Variants in ARHGEF26 observed in about 807,000 individuals in gnomAD.
ARHGEF26 encodes Rho guanine nucleotide exchange factor 26.
ARHGEF26 carries 59 observed loss-of-function variants against 89.4 expected under a neutral mutation model. That is an observed-to-expected ratio of 0.66 (90% CI 0.54 to 0.82). ARHGEF26 has a LOEUF of 0.82. Among genes scored for constraint, ARHGEF26 ranks in the 40% least tolerant of loss-of-function variants. The pLI is 0.00. For missense variants in ARHGEF26, 1,234 were observed against 1,085.6 expected (o/e 1.14, Z -1.92); for synonymous variants, 500 against 428.4 (o/e 1.17, Z -2.06).
intron 11 of ARHGEF26, among the ~76,000 whole-genome samples, chr3:154,228,510 G>A (rs1716633587): frequency 6.6e-6 from 1 of 150,792 alleles, no homozygotes; most frequent in Admixed American, 6.6e-5. Flanking sequence ...CAATGGAGAG[G>A]ACAACCTGAG....
chr3:154,221,033 G>A (rs1025764804), intron 10 of ARHGEF26, among the ~76,000 whole-genome samples: 1 of 152,104 alleles, frequency 6.6e-6, no homozygotes, highest in Non-Finnish European at 1.5e-5. Flanking sequence ...GAAGCTGGGG[G>A]AGAGGCCTGG....
At chr3:154,247,242 C>A (rs1409505170) in intron 12 of ARHGEF26, among the ~76,000 whole-genome samples, 1 of 152,196 alleles carries the variant, frequency 6.6e-6, no homozygotes, top group African/African-American at 2.4e-5. Context: ...AACATCAACA[C>A]TGCCCGTGGC....
intron 12 of ARHGEF26, among the ~76,000 whole-genome samples, chr3:154,245,683 T>G (rs56134722): frequency 0.013 from 1,949 of 152,298 alleles, 39 homozygotes; most frequent in African/African-American, 0.045. Context: ...GTTTTCTGTC[T>G]CACCCACCCT....
In ARHGEF26 at chr3:154,185,988, C is replaced by T. The variant is rs1713502031; in HGVS notation, c.1488-1697C>T. 2.0e-5 allele frequency among the ~76,000 whole-genome samples: 3 copies of T among 152,176 alleles called. No homozygotes were observed. The South Asian group carries it at 6.2e-4, about 32-fold the overall frequency. On this transcript the variant is annotated intron_variant, in intron 6 of 14. Transcript: ENST00000465093. ...CTGTATTGTAATTGGCTGCATGCCT[C>T]CCATCAACCGCTCCACTGTGAGTGT...
In ARHGEF26 at chr3:154,147,894, C is replaced by T. The variant is rs560034708; in HGVS notation, c.1270-1495C>T. ...CTCCCCTGATTGTCTCTTCTTTGCTCTCTCTCAGTCTTCTTGGGGTCCCCT... is the reference window on the plus strand; with the variant it reads ...CTCCCCTGATTGTCTCTTCTTTGCTTTCTCTCAGTCTTCTTGGGGTCCCCT... On this transcript the variant is annotated intron_variant, in intron 4 of 14. Transcript: ENST00000465093. Among the ~76,000 whole-genome samples the T allele has an allele frequency of 2.4e-4, 37 of 152,056 alleles. No individual in the cohort carries two copies. In the South Asian group the frequency reaches 7.5e-3, roughly 31 times the overall value.
chr3:154,144,087 A>G (rs879912079), intron 4 of ARHGEF26, among the ~76,000 whole-genome samples: 4 of 152,210 alleles, frequency 2.6e-5, no homozygotes, highest in African/African-American at 9.6e-5. Flanking sequence ...CTTTCACTGC[A>G]GCAGAAGCCA....
At chr3:154,177,060 G>A (rs928482698) in intron 6 of ARHGEF26, among the ~76,000 whole-genome samples, 2 of 152,192 alleles carry the variant, frequency 1.3e-5, no homozygotes, top group African/African-American at 4.8e-5. Context: ...ATAAGTAAGG[G>A]ATGCATGTAT....
At chr3:154,202,047 T>G (rs948830748) in intron 9 of ARHGEF26, among the ~76,000 whole-genome samples, 22 of 152,298 alleles carry the variant, frequency 1.4e-4, no homozygotes, top group African/African-American at 3.1e-4. Context: ...TGTTGCCATT[T>G]GTTTTGGTGT....
chr3:154,236,604 C>G (rs1717141904), intron 11 of ARHGEF26, among the ~76,000 whole-genome samples: 1 of 152,196 alleles, frequency 6.6e-6, no homozygotes, highest in African/African-American at 2.4e-5. Context: ...TTAGCATCAG[C>G]TTCCCTCAGG....
chr3:154,162,670 G>GT (rs1559870842), intron 6 of ARHGEF26, among the ~76,000 whole-genome samples: 3 of 152,090 alleles, frequency 2.0e-5, no homozygotes, highest in African/African-American at 7.2e-5. Flanking sequence ...GTGAATTGGC[G>GT]TGTCTGTGGC....
At chr3:154,168,274 C>T (rs1328609613) in intron 6 of ARHGEF26, among the ~76,000 whole-genome samples, 4 of 151,938 alleles carry the variant, frequency 2.6e-5, no homozygotes, top group Non-Finnish European at 1.5e-5. Context: ...TATATATTTA[C>T]GTGGCTTAAA....
At chr3:154,157,582 G>A (rs573231244) in intron 6 of ARHGEF26, among the ~76,000 whole-genome samples, 16 of 152,166 alleles carry the variant, frequency 1.1e-4, no homozygotes, top group Non-Finnish European at 2.1e-4. Flanking sequence ...AAGATTTGAG[G>A]CAATTGAAGT....
intron 4 of ARHGEF26, among the ~76,000 whole-genome samples, chr3:154,139,653 C>A (rs1289183716): frequency 6.6e-6 from 1 of 152,122 alleles, no homozygotes; most frequent in Non-Finnish European, 1.5e-5. Flanking sequence ...AGGGCCACAT[C>A]CACACAGTGG....
At chr3:154,217,717 G>A (rs1412493845) in intron 9 of ARHGEF26, among the ~76,000 whole-genome samples, 152 bp from the exon 10 acceptor site, 16 of 152,072 alleles carry the variant, frequency 1.1e-4, no homozygotes, top group Non-Finnish European at 1.8e-4. Flanking sequence ...AACTGGATAC[G>A]AATGTCTTAA....
chr3:154,244,451 G>A (rs1418118584), intron 12 of ARHGEF26, among the ~76,000 whole-genome samples: 3 of 152,124 alleles, frequency 2.0e-5, no homozygotes, highest in Non-Finnish European at 4.4e-5. Context: ...CATGACGAAG[G>A]GACCCATGGG....
At chr3:154,228,767 GGCAACA>G (rs1489633821) in intron 11 of ARHGEF26, among the ~76,000 whole-genome samples, 5 of 152,298 alleles carry the variant, frequency 3.3e-5, no homozygotes, top group Admixed American at 6.5e-5. Context: ...GCATGCCAGA[GGCAACA>G]GTAAAGGAGA....
intron 14 of ARHGEF26, 55 bp downstream of exon 14, chr3:154,254,879 G>A: frequency 7.0e-7 from 1 of 1,422,334 alleles, no homozygotes; most frequent in Non-Finnish European, 9.8e-7. Flanking sequence ...GAGTGCTATA[G>A]ACCCGAGGAG....
chr3:154,134,364 C>T (rs1257244738), intron 4 of ARHGEF26, among the ~76,000 whole-genome samples: 1 of 152,068 alleles, frequency 6.6e-6, no homozygotes, highest in East Asian at 1.9e-4. Context: ...GGGAGGCTTC[C>T]ACAATGGTGG....
At chr3:154,190,490 AGAGC>A (rs1374420822) in intron 7 of ARHGEF26, among the ~76,000 whole-genome samples, 4 of 152,286 alleles carry the variant, frequency 2.6e-5, no homozygotes, top group Admixed American at 2.0e-4. Flanking sequence ...CCTAGGTGAT[AGAGC>A]AAGACTCCAT....
Sources: gnomAD v4.1 joint callset for allele counts (sites outside exome capture counted in the v4.1 genomes callset) on GRCh38, gnomAD v4.1.1 for gene constraint, MANE v1.5 for transcripts, NCBI Gene and HGNC (gene_info 2026-07-23, HGNC 2026-07-21) for gene names.